FBN2: variants seen among roughly 807,000 people sequenced by gnomAD.
FBN2 encodes the protein fibrillin 2, also known as fibrillin-2.
FBN2 carries 105 observed loss-of-function variants against 355.6 expected under a neutral mutation model. That is an observed-to-expected ratio of 0.30 (90% CI 0.25 to 0.35). The LOEUF is 0.35. Ranked by LOEUF, FBN2 falls within the 10% of genes least tolerant of loss-of-function variation. FBN2 has a pLI of 1.00. For synonymous variants in FBN2, 1,350 were observed against 1,301.2 expected (o/e 1.04, Z -0.81); for missense variants, 3,280 against 3,758.7 (o/e 0.87, Z 3.33).
At chr5:128,320,922 G>T (rs2126876355) in intron 34 of FBN2, among the ~76,000 whole-genome samples, 1 of 152,226 alleles carries the variant, frequency 6.6e-6, no homozygotes, top group East Asian at 1.9e-4. Flanking sequence ...AAGAAAATTA[G>T]CACTCATGTA....
At chr5:128,445,904 T>G (rs1754052813) in intron 7 of FBN2, among the ~76,000 whole-genome samples, 1 of 152,110 alleles carries the variant, frequency 6.6e-6, no homozygotes, top group Non-Finnish European at 1.5e-5. Context: ...TTATAATCCA[T>G]ATTTAATATT....
intron 5 of FBN2, among the ~76,000 whole-genome samples, chr5:128,517,079 T>C (rs1371186709): frequency 6.6e-6 from 1 of 152,178 alleles, no homozygotes; most frequent in East Asian, 1.9e-4. Context: ...ACAATTTTTT[T>C]TGGAAAACAT....
At chr5:128,490,603 T>C (rs1037241833) in intron 5 of FBN2, among the ~76,000 whole-genome samples, 1 of 152,264 alleles carries the variant, frequency 6.6e-6, no homozygotes, top group Non-Finnish European at 1.5e-5. Context: ...CACAGGTTTA[T>C]GTCCCCAAGG....
At chr5:128,313,185 T>G (rs1581208939) in intron 36 of FBN2, among the ~76,000 whole-genome samples, 1 of 152,184 alleles carries the variant, frequency 6.6e-6, no homozygotes, top group East Asian at 1.9e-4. Flanking sequence ...ACTTTGCAGG[T>G]TTTGGAAAAG....
chr5:128,452,991 T>C (rs988216264), intron 6 of FBN2, among the ~76,000 whole-genome samples: 1 of 152,182 alleles, frequency 6.6e-6, no homozygotes, highest in Non-Finnish European at 1.5e-5. Context: ...TTTATTCCTA[T>C]GAAAACAAAT....
At chr5:128,457,497 A>C (rs1453397262) in intron 6 of FBN2, among the ~76,000 whole-genome samples, 1 of 152,180 alleles carries the variant, frequency 6.6e-6, no homozygotes, top group Non-Finnish European at 1.5e-5. Context: ...AAGACACATA[A>C]TCATCAGATT....
chr5:128,428,126 A>G (rs910854574), intron 7 of FBN2, among the ~76,000 whole-genome samples: 17 of 152,036 alleles, frequency 1.1e-4, no homozygotes, highest in African/African-American at 4.1e-4. Flanking sequence ...TTTTACCACA[A>G]AAACCCCTGG....
At chr5:128,302,700 T>C (rs922722375) in intron 46 of FBN2, among the ~76,000 whole-genome samples, 8 of 152,202 alleles carry the variant, frequency 5.3e-5, no homozygotes, top group African/African-American at 1.7e-4. Flanking sequence ...CATAAATCAG[T>C]CCAAATATGT....
chr5:128,427,063 C>G (rs75138601), intron 7 of FBN2, among the ~76,000 whole-genome samples: 4,475 of 152,234 alleles, frequency 0.029, 105 homozygotes, highest in South Asian at 0.064. Context: ...TTGAACTTGA[C>G]TCATATATGC....
chr5:128,361,515 T>C (rs531964957), intron 19 of FBN2, among the ~76,000 whole-genome samples: 16 of 152,236 alleles, frequency 1.1e-4, no homozygotes, highest in Non-Finnish European at 1.9e-4. Flanking sequence ...TGTGTTGATA[T>C]TTTGTCTGAG....
intron 23 of FBN2, among the ~76,000 whole-genome samples, 173 bp downstream of exon 23, chr5:128,349,174 T>A (rs576894747): frequency 1.3e-5 from 2 of 152,286 alleles, no homozygotes; most frequent in South Asian, 4.1e-4. Context: ...CAGAAACAAT[T>A]TCGCATAAAT....
At chr5:128,264,723 A>G (rs1238060497) in intron 62 of FBN2, among the ~76,000 whole-genome samples, 3 of 152,122 alleles carry the variant, frequency 2.0e-5, no homozygotes, top group African/African-American at 4.8e-5. Flanking sequence ...TGTTTACCTA[A>G]TATGTGACAA....
chr5:128,478,622 A>G (rs948572345), intron 5 of FBN2, among the ~76,000 whole-genome samples: 1 of 152,206 alleles, frequency 6.6e-6, no homozygotes, highest in African/African-American at 2.4e-5. Flanking sequence ...TGAATCTGAT[A>G]TGTCAAGGTC....
At chr5:128,445,206 G>T (rs1267535557) in intron 7 of FBN2, among the ~76,000 whole-genome samples, 1 of 152,052 alleles carries the variant, frequency 6.6e-6, no homozygotes, top group African/African-American at 2.4e-5. Context: ...ATTTCACAGA[G>T]AATTTATTTG....
intron 6 of FBN2, among the ~76,000 whole-genome samples, chr5:128,453,863 G>C (rs1300416462): frequency 6.6e-6 from 1 of 151,980 alleles, no homozygotes; most frequent in East Asian, 1.9e-4. Context: ...TTGGTGGTGT[G>C]ACTCTTATAT....
Position 128,286,862 on chromosome 5 carries a change from A to G in FBN2, c.6881-13T>C. 6.2e-7 allele frequency: 1 copy of G among 1,613,578 alleles called. No homozygotes were observed. Among genetic ancestry groups the G allele is most frequent in the Non-Finnish European group, 8.5e-7 (1 of 1,179,634 alleles). On this transcript the variant is annotated splice_polypyrimidine_tract_variant and intron_variant, in intron 54 of 64. Transcript: ENST00000262464. ...CATTCATCCAGATCTAGAACAAAAA[A>G]TAAAAATTAAAAATTATCTGGAGCA...
chr5:128,330,520 A>G, intron 33 of FBN2, 53 bp downstream of exon 33: 1 of 1,601,428 alleles, frequency 6.2e-7, no homozygotes, highest in African/African-American at 1.3e-5. Context: ...AAGGAAGCAT[A>G]TAGAGTGTTC....
chr5:128,307,796 TA>T (rs1399541607), intron 41 of FBN2, among the ~76,000 whole-genome samples: 1 of 151,982 alleles, frequency 6.6e-6, no homozygotes, highest in African/African-American at 2.4e-5. Context: ...AATGGAAATT[TA>T]AAAGAATTCT....
intron 11 of FBN2, among the ~76,000 whole-genome samples, chr5:128,380,053 A>C (rs1337834749): frequency 6.6e-6 from 1 of 152,104 alleles, no homozygotes; most frequent in African/African-American, 2.4e-5. Context: ...AATAAACTTC[A>C]TAGCAAATAA....
Sources: gnomAD v4.1 joint callset for allele counts (sites outside exome capture counted in the v4.1 genomes callset) on GRCh38, gnomAD v4.1.1 for gene constraint, MANE v1.5 for transcripts, NCBI Gene and HGNC (gene_info 2026-07-23, HGNC 2026-07-21) for gene names.